SF3B1: variants seen among roughly 807,000 people sequenced by gnomAD.
The protein encoded by SF3B1 is pre-mRNA processing 10.
A neutral mutation model predicts 153.8 loss-of-function variants in SF3B1; 12 were observed. The observed-to-expected ratio is 0.08, with a 90% CI of 0.05 to 0.13. The LOEUF is 0.13. Among genes scored for constraint, SF3B1 ranks in the 10% least tolerant of loss-of-function variants. The pLI, the probability that SF3B1 is intolerant of heterozygous loss-of-function variation, is 1.00. For missense variants in SF3B1, 513 were observed against 1,606.1 expected (o/e 0.32, Z 11.63); for synonymous variants, 498 against 525.2 (o/e 0.95, Z 0.71).
intron 1 of SF3B1, among the ~76,000 whole-genome samples, chr2:197,426,132 C>T (rs1456235864): frequency 1.3e-5 from 2 of 151,946 alleles, no homozygotes; most frequent in Non-Finnish European, 2.9e-5. Flanking sequence ...ACAGATGTTA[C>T]TTTGTCCCCA....
At position 197,393,862 on chromosome 2, in the gene SF3B1, A is replaced by G. The variant is rs79724134; in HGVS notation, c.3540-674T>C. Reference sequence around the variant, plus strand: ...TCTAACATATGAATAATAAACAGTAATATTTTAAACTTTTTTCTCTTTTTT... The same window carrying G: ...TCTAACATATGAATAATAAACAGTAGTATTTTAAACTTTTTTCTCTTTTTT... On this transcript the variant is annotated intron_variant, in intron 23 of 24. Transcript: ENST00000335508. Among the ~76,000 whole-genome samples, 1,072 of 152,272 alleles carry G rather than the reference A, an allele frequency of 7.0e-3. 9 individuals are homozygous for G. The highest frequency in any genetic ancestry group is 0.025 in the African/African-American group (1,025 of 41,546).
At chr2:197,410,078 A>G in intron 6 of SF3B1, 71 bp from the exon 7 acceptor site, 1 of 1,075,578 alleles carries the variant, frequency 9.3e-7, no homozygotes, top group Non-Finnish European at 1.4e-6. Flanking sequence ...ATAAAATAAA[A>G]AACTTTAAAC....
intron 23 of SF3B1, chr2:197,393,425 C>T (rs2084836780): frequency 1.9e-6 from 1 of 515,636 alleles, no homozygotes; most frequent in Middle Eastern, 5.2e-4. Context: ...TTCACTATGG[C>T]TCAACAATTA....
chr2:197,403,479 G>T, intron 12 of SF3B1, 106 bp downstream of exon 12: 1 of 659,908 alleles, frequency 1.5e-6, no homozygotes, highest in Non-Finnish European at 2.4e-6. Flanking sequence ...TGTATGGTGT[G>T]TACTTGTGCA....
At chr2:197,424,438 T>C (rs1470061551) in intron 1 of SF3B1, among the ~76,000 whole-genome samples, 9 of 150,748 alleles carry the variant, frequency 6.0e-5, no homozygotes, top group Admixed American at 3.3e-4. Context: ...GAGGCGGAGG[T>C]TGCAGATCAC....
intron 1 of SF3B1, among the ~76,000 whole-genome samples, chr2:197,432,534 T>C (rs2085456120): frequency 6.6e-6 from 1 of 152,224 alleles, no homozygotes; most frequent in African/African-American, 2.4e-5. Flanking sequence ...TAAAATATAA[T>C]CAGATTGGTT....
At chr2:197,408,225 T>A in intron 8 of SF3B1, 106 bp from the exon 9 acceptor site, 3 of 1,292,174 alleles carry the variant, frequency 2.3e-6, no homozygotes, top group Non-Finnish European at 3.2e-6. Flanking sequence ...TGCTTTTATA[T>A]TATAAACGCA....
At chr2:197,417,019 T>G (rs699318) in intron 5 of SF3B1, 108 bp from the exon 6 acceptor site, 8 of 1,129,078 alleles carry the variant, frequency 7.1e-6, no homozygotes, top group Middle Eastern at 3.0e-4. Context: ...GCTCATTCTC[T>G]TTTCTATGTA....
intron 11 of SF3B1, among the ~76,000 whole-genome samples, chr2:197,404,236 C>T (rs916909619): frequency 6.6e-5 from 10 of 152,104 alleles, no homozygotes; most frequent in Non-Finnish European, 1.0e-4. Context: ...CCAACACTTT[C>T]GGAGACTGAG....
chr2:197,426,469 T>C (rs2085338961), intron 1 of SF3B1, among the ~76,000 whole-genome samples: 1 of 152,072 alleles, frequency 6.6e-6, no homozygotes, highest in Non-Finnish European at 1.5e-5. Flanking sequence ...CTTCAGGCTT[T>C]TTTTTTAAAC....
chr2:197,403,512 T>C, intron 12 of SF3B1, 73 bp downstream of exon 12: 4 of 984,822 alleles, frequency 4.1e-6, no homozygotes, highest in African/African-American at 1.7e-5. Context: ...TAGGAGAATA[T>C]GTAAATTTAA....
intron 1 of SF3B1, among the ~76,000 whole-genome samples, chr2:197,432,757 T>A (rs539307010): frequency 3.3e-5 from 5 of 152,106 alleles, no homozygotes; most frequent in Admixed American, 3.3e-4. Flanking sequence ...ATACTAGTAC[T>A]CAGGAGGCTG....
chr2:197,422,323 G>A lies in SF3B1; in HGVS notation c.196-1190C>T, dbSNP rs150627156. Among the ~76,000 whole-genome samples the A allele has an allele frequency of 4.2e-4, 64 of 151,824 alleles. 2 individuals carry two copies. In the East Asian group the frequency reaches 0.011, roughly 26 times the overall value. On this transcript the variant is annotated intron_variant, in intron 2 of 24. Coordinates refer to ENST00000335508, the MANE Select transcript of SF3B1 (RefSeq NM_012433.4). Reference sequence around the variant, plus strand: ...TTCTTAAAAATAACCAGTTGGCACCGCATGTTCTCACTCCTAGGTGGGAAC... The same window carrying A: ...TTCTTAAAAATAACCAGTTGGCACCACATGTTCTCACTCCTAGGTGGGAAC...
intron 1 of SF3B1, among the ~76,000 whole-genome samples, chr2:197,431,880 C>G (rs149334979): frequency 6.6e-6 from 1 of 151,994 alleles, no homozygotes; most frequent in African/African-American, 2.4e-5. Flanking sequence ...AATCCTAGCA[C>G]GGTGGGAGGC....
intron 4 of SF3B1, chr2:197,418,921 C>T (rs778304913): frequency 6.2e-7 from 1 of 1,600,372 alleles, no homozygotes; most frequent in Admixed American, 1.7e-5. Flanking sequence ...TCTCCATCAG[C>T]AGTTCTGACT....
chr2:197,401,645 A>G lies in SF3B1; in HGVS notation c.2370+97T>C, dbSNP rs928633102. 2 of 1,476,388 alleles carry G rather than the reference A, an allele frequency of 1.4e-6. No homozygotes were observed. Among genetic ancestry groups the G allele is most frequent in the African/African-American group, 1.4e-5 (1 of 70,388 alleles). 91.5% of individuals were successfully genotyped at this position (1,476,388 alleles called of 1,614,324 possible). A position where few individuals can be genotyped will look rare whatever the true frequency, so the allele number is the denominator to read the frequency against. On this transcript the variant is annotated intron_variant, in intron 16 of 24. Transcript: ENST00000335508. This position sits in a 1 kb window ranked among gnomAD's most constrained non-coding sequence, Gnocchi z 4.2. ...AAACAAATCAAACAGTATTCGTGTA[A>G]CATACAGTTTTTTTTGTTGATTTTT...
At chr2:197,433,537 A>G (rs931751572) in intron 1 of SF3B1, among the ~76,000 whole-genome samples, 3 of 152,250 alleles carry the variant, frequency 2.0e-5, no homozygotes, top group African/African-American at 4.8e-5. Context: ...TAGTCTAAAG[A>G]CAAAATAATA....
chr2:197,390,959 T>C lies in SF3B1; in HGVS notation c.*1344A>G, dbSNP rs1470358850. On this transcript the variant is annotated 3_prime_UTR_variant, in exon 25 of 25. Transcript: ENST00000335508. ...GAACTCCTAAAGTGTCAATAGGCAG[T>C]TTTACTTACAGTAGTAGTTATATAC... 1 of 152,166 alleles carries C rather than the reference T, an allele frequency of 6.6e-6. No homozygotes were observed. The highest frequency in any genetic ancestry group is 1.9e-4 in the East Asian group (1 of 5,190). 9.4% of individuals were successfully genotyped at this position (152,166 alleles called of 1,614,324 possible).
intron 12 of SF3B1, among the ~76,000 whole-genome samples, chr2:197,403,349 T>C (rs1408830746): frequency 1.3e-5 from 2 of 152,226 alleles, no homozygotes; most frequent in Non-Finnish European, 2.9e-5. Context: ...AGTTCTCATA[T>C]GTTCTCATCC....
Sources: gnomAD v4.1 joint callset for allele counts (sites outside exome capture counted in the v4.1 genomes callset) on GRCh38, gnomAD v4.1.1 for gene constraint, Gnocchi (gnomAD v3.1) non-coding constraint, MANE v1.5 for transcripts, NCBI Gene and HGNC (gene_info 2026-07-23, HGNC 2026-07-21) for gene names.